Variants in FAM228B observed in about 807,000 individuals in gnomAD.
The protein encoded by FAM228B is protein FAM228B.
In FAM228B, 38 loss-of-function variants were observed where a neutral mutation model predicts 42.6. The ratio of observed to expected loss-of-function variants is 0.89; its 90% CI spans 0.69 to 1.17. The LOEUF (loss-of-function observed/expected upper bound fraction) is 1.17. FAM228B is among the 50% of genes most tolerant of loss of function. The pLI is 0.00. For synonymous variants in FAM228B, 109 were observed against 122.3 expected (o/e 0.89, Z 0.72); for missense variants, 344 against 367.3 (o/e 0.94, Z 0.52).
At chr2:24,089,431 GGAA>G (rs1558366355) in intron 2 of FAM228B, among the ~76,000 whole-genome samples, 1 of 152,056 alleles carries the variant, frequency 6.6e-6, no homozygotes, top group Non-Finnish European at 1.5e-5. Flanking sequence ...GAAAAAAAAA[GGAA>G]GATTTTTTTA....
chr2:24,117,014 ATT>A (rs58867611), intron 3 of FAM228B, among the ~76,000 whole-genome samples: 216 of 131,906 alleles, frequency 1.6e-3, no homozygotes, highest in African/African-American at 5.0e-3. Context: ...ACAATCCTGC[ATT>A]TTTTTTTTTT....
chr2:24,120,562 ATTTTT>A (rs1455242098), upstream of FAM228B, among the ~76,000 whole-genome samples: 1 of 139,448 alleles, frequency 7.2e-6, no homozygotes, highest in Non-Finnish European at 1.6e-5. Context: ...TTTTTTTAAA[ATTTTT>A]TTTTTGAGAT....
intron 3 of FAM228B, among the ~76,000 whole-genome samples, chr2:24,103,069 A>G (rs1665636828): frequency 6.6e-6 from 1 of 152,174 alleles, no homozygotes; most frequent in African/African-American, 2.4e-5. Context: ...CTTTACTCTC[A>G]TGGGACTCTC....
intron 1 of FAM228B, among the ~76,000 whole-genome samples, chr2:24,123,920 A>AC (rs1232872830): frequency 6.6e-6 from 1 of 152,162 alleles, no homozygotes; most frequent in Non-Finnish European, 1.5e-5. Flanking sequence ...GCGCAGTATG[A>AC]CCGAAAGCCC....
intron 1 of FAM228B, among the ~76,000 whole-genome samples, chr2:24,123,881 ACTTCGAGCCGCTCAGAGCT>A (rs1666220493): frequency 6.6e-6 from 1 of 152,058 alleles, no homozygotes; most frequent in Non-Finnish European, 1.5e-5. Flanking sequence ...CTCGGGGAGG[ACTTCGAGCCGCTCAGAGCT>A]CGAAGACTCG....
At chr2:24,079,505 G>GA in intron 1 of FAM228B, 1 of 1,614,114 alleles carries the variant, frequency 6.2e-7, no homozygotes, top group East Asian at 2.2e-5. Context: ...AAGTAGCTTT[G>GA]AAAACAGGGG....
At chr2:24,138,744 T>C (rs1042676975) in intron 4 of FAM228B, among the ~76,000 whole-genome samples, 5 of 151,278 alleles carry the variant, frequency 3.3e-5, no homozygotes, top group African/African-American at 1.2e-4. Context: ...TCACCTGAGG[T>C]TGGGAGTTCG....
rs562471673 is a variant in FAM228B at position 24,108,929 on chromosome 2, T to A, written c.-121+13700T>A. On this transcript the variant is annotated intron_variant, in intron 3 of 10. Coordinates refer to the FAM228B transcript ENST00000613899. ...AAAAAAAAAAAAAGAAAAAGCTATTTTGAAATTCATATGGAACCAAAAAAG... is the reference window on the plus strand; with the variant it reads ...AAAAAAAAAAAAAGAAAAAGCTATTATGAAATTCATATGGAACCAAAAAAG... Among the ~76,000 whole-genome samples, 48 of 151,702 alleles carry A rather than the reference T, an allele frequency of 3.2e-4. No homozygotes were observed. The Middle Eastern group carries it at 0.017, about 54-fold the overall frequency.
intron 3 of FAM228B, among the ~76,000 whole-genome samples, chr2:24,100,150 A>C (rs1171230568): frequency 6.6e-6 from 1 of 152,228 alleles, no homozygotes; most frequent in Non-Finnish European, 1.5e-5. Flanking sequence ...TGTTAGACCT[A>C]AAACCATAAA....
chr2:24,139,873 TTTTTA>T (rs1450510716), intron 5 of FAM228B, among the ~76,000 whole-genome samples: 12 of 152,216 alleles, frequency 7.9e-5, no homozygotes, highest in African/African-American at 2.2e-4. Flanking sequence ...TGTATTCACA[TTTTTA>T]TTTTATAAGA....
At chr2:24,147,607 T>G (rs1302730858) in intron 7 of FAM228B, among the ~76,000 whole-genome samples, 1 of 152,148 alleles carries the variant, frequency 6.6e-6, no homozygotes, top group Non-Finnish European at 1.5e-5. Context: ...TGTTTTTCAG[T>G]TGGATGATTT....
At chr2:24,096,717 A>G (rs889890829) in intron 3 of FAM228B, 2 of 152,224 alleles carry the variant, frequency 1.3e-5, no homozygotes, top group Admixed American at 6.5e-5. Flanking sequence ...TCTTCAGGAT[A>G]TTATCCAGGA....
chr2:24,162,951 C>G (rs1013607070), intron 8 of FAM228B, among the ~76,000 whole-genome samples: 1 of 151,524 alleles, frequency 6.6e-6, no homozygotes, highest in Non-Finnish European at 1.5e-5. Flanking sequence ...GAGCATGGAG[C>G]CTTGGGGTTA....
chr2:24,155,701 C>T (rs920035643), intron 7 of FAM228B, among the ~76,000 whole-genome samples: 13 of 151,218 alleles, frequency 8.6e-5, no homozygotes, highest in Admixed American at 5.3e-4. Context: ...CCACCACGCC[C>T]GGCTAATTTT....
At chr2:24,086,234 C>CAAAAAAAAAAAAAAAA (rs57641176) in intron 2 of FAM228B, among the ~76,000 whole-genome samples, 1 of 63,930 alleles carries the variant, frequency 1.6e-5, no homozygotes, top group African/African-American at 5.9e-5. Context: ...GACTCCGTCT[C>CAAAAAAAAAAAAAAAA]AAAAAAAAAA....
intron 5 of FAM228B, among the ~76,000 whole-genome samples, chr2:24,144,856 C>CGA (rs1666856834): frequency 6.6e-6 from 1 of 152,166 alleles, no homozygotes; most frequent in Admixed American, 6.5e-5. Context: ...CACCCCCACC[C>CGA]GAGTACTCTG....
intron 10 of FAM228B, chr2:24,167,995 C>T: frequency 3.4e-6 from 1 of 296,312 alleles, no homozygotes; most frequent in South Asian, 4.4e-5. Flanking sequence ...CTGTCTCTGG[C>T]TCTAAGCATC....
At chr2:24,130,888 A>T (rs1666438927) in intron 2 of FAM228B, among the ~76,000 whole-genome samples, 1 of 152,018 alleles carries the variant, frequency 6.6e-6, no homozygotes, top group Non-Finnish European at 1.5e-5. Context: ...CCTGAATGTT[A>T]TTGCCTATGT....
intron 7 of FAM228B, among the ~76,000 whole-genome samples, chr2:24,154,816 G>A (rs575667947): frequency 2.0e-5 from 3 of 152,078 alleles, no homozygotes; most frequent in Non-Finnish European, 4.4e-5. Context: ...CTTGGGGTGA[G>A]AGCACCATTA....
Sources: gnomAD v4.1 joint callset for allele counts (sites outside exome capture counted in the v4.1 genomes callset) on GRCh38, gnomAD v4.1.1 for gene constraint, MANE v1.5 for transcripts, NCBI Gene and HGNC (gene_info 2026-07-23, HGNC 2026-07-21) for gene names.